ITGA6: variants seen among roughly 807,000 people sequenced by gnomAD.
ITGA6 encodes the protein integrin subunit alpha 6.
In ITGA6, 63 loss-of-function variants were observed where a neutral mutation model predicts 133.6. The observed-to-expected ratio is 0.47, with a 90% CI of 0.38 to 0.58. The LOEUF is 0.58. Among genes scored for constraint, ITGA6 ranks in the 20% least tolerant of loss-of-function variants. The pLI, the probability that ITGA6 is intolerant of heterozygous loss-of-function variation, is 0.00. For synonymous variants in ITGA6, 434 were observed against 482.0 expected (o/e 0.90, Z 1.30); for missense variants, 1,068 against 1,309.4 (o/e 0.82, Z 2.85).
intron 9 of ITGA6, 122 bp from the exon 10 acceptor site, chr2:172,479,519 G>T (rs1468562932): frequency 1.2e-6 from 1 of 812,120 alleles, no homozygotes; most frequent in Admixed American, 1.7e-5. Context: ...AACGTCACGT[G>T]TATTTTTTTT....
chr2:172,498,430 A>C (rs1453691374), intron 24 of ITGA6, among the ~76,000 whole-genome samples: 1 of 152,234 alleles, frequency 6.6e-6, no homozygotes, highest in East Asian at 1.9e-4. Context: ...TCTAAGCCAA[A>C]TTGTTAGGGT....
intron 1 of ITGA6, among the ~76,000 whole-genome samples, chr2:172,458,790 A>C (rs1040352155): frequency 6.6e-6 from 1 of 152,258 alleles, no homozygotes; most frequent in African/African-American, 2.4e-5. Context: ...ATAATCCAGG[A>C]ACACAAAGAA....
At chr2:172,462,001 C>A (rs1424518939) in intron 1 of ITGA6, among the ~76,000 whole-genome samples, 2 of 152,194 alleles carry the variant, frequency 1.3e-5, no homozygotes, top group Non-Finnish European at 1.5e-5. Context: ...TGATCTCCTG[C>A]CTTTAAGGCT....
Position 172,427,868 on chromosome 2 carries a change from A to T in ITGA6, c.80A>T (p.Asp27Val), listed in dbSNP as rs1391510297. 1 of 1,606,656 alleles carries T rather than the reference A, an allele frequency of 6.2e-7. No individual in the cohort carries two copies. Among genetic ancestry groups the T allele is most frequent in the South Asian group, 1.1e-5 (1 of 90,066 alleles). ...LSRLGAAFNL[D>V]TREDNVIRKY... is the part of the protein sequence containing the mutation. ...CGGCTCGGCGCAGCCTTCAACTTGG[A>T]CACTCGGGAGGACAACGTGATCCGG... The change falls in exon 1 of 26, where the codon GAC (aspartate) becomes GTC (valine). Residue 27 changes from aspartate to valine, a missense_variant. Physicochemically the swap from Asp to Val is radical, Grantham distance 152. Transcript: ENST00000684293.
chr2:172,477,043 A>G (rs1042622791), intron 9 of ITGA6, among the ~76,000 whole-genome samples: 1 of 152,208 alleles, frequency 6.6e-6, no homozygotes, highest in Non-Finnish European at 1.5e-5. Flanking sequence ...ATCTTCTGAC[A>G]GGTTCAGAGC....
intron 1 of ITGA6, among the ~76,000 whole-genome samples, chr2:172,441,542 T>C (rs1574322483): frequency 9.1e-6 from 1 of 109,314 alleles, no homozygotes; most frequent in African/African-American, 3.7e-5. Flanking sequence ...GGTAACAGAG[T>C]GGAGACGCTG....
At chr2:172,442,970 A>G (rs1185022518) in intron 1 of ITGA6, among the ~76,000 whole-genome samples, 1 of 151,744 alleles carries the variant, frequency 6.6e-6, no homozygotes, top group African/African-American at 2.4e-5. Flanking sequence ...TTAAAATTTC[A>G]TTTTTAATTT....
rs1407818457 is a variant in ITGA6, at chr2:172,505,858, A to G, written c.*1790A>G. On this transcript the variant is annotated 3_prime_UTR_variant, in exon 26 of 26. Coordinates refer to ENST00000684293, the MANE Select transcript of ITGA6 (RefSeq NM_000210.4). The stretch of plus-strand genomic sequence containing the variant: ...TGTAAAACAGGTTATAACAGTGTTT[A>G]AAGTCTCAGTTTCTTGCTTGGGGAA... The G allele has an allele frequency of 6.6e-6, 1 of 152,606 alleles. No homozygotes were observed. Among genetic ancestry groups the G allele is most frequent in the African/African-American group, 2.4e-5 (1 of 41,444 alleles). The allele number at this position is 152,606 out of a possible 1,614,324, so 9.5% of individuals were successfully genotyped here. A position where few individuals can be genotyped will look rare whatever the true frequency, so the allele number is the denominator to read the frequency against.
At chr2:172,461,029 C>G (rs80239277) in intron 1 of ITGA6, among the ~76,000 whole-genome samples, 3,285 of 152,284 alleles carry the variant, frequency 0.022, 111 homozygotes, top group African/African-American at 0.074. Context: ...TATACCAGCT[C>G]TCTTTGGGGG....
Position 172,506,331 on chromosome 2 carries a change from A to C in ITGA6, c.*2263A>C, listed in dbSNP as rs1396532162. The C allele has an allele frequency of 1.3e-5, 2 of 152,558 alleles. No individual in the cohort carries two copies. The highest frequency in any genetic ancestry group is 2.9e-5 in the Non-Finnish European group (2 of 68,024). 9.5% of individuals were successfully genotyped at this position (152,558 alleles called of 1,614,324 possible). ...TCTCATGTAATCTCAGATCAGCCAA[A>C]GATACTAGTGCCAAAGCAATGGGAT... On this transcript the variant is annotated 3_prime_UTR_variant, in exon 26 of 26. Transcript: ENST00000684293.
In ITGA6 at chr2:172,428,061, G is replaced by T. The variant is rs114295497; in HGVS notation, c.182+91G>T. ...GCGCCCTGTTCCCGCCGGCCCCGGG[G>T]AGTAGTTGGCCCGTGGGTCGCGCCC... On this transcript the variant is annotated intron_variant, in intron 1 of 25. Transcript: ENST00000684293. 8,039 of 1,393,336 alleles carry T rather than the reference G, an allele frequency of 5.8e-3. 366 individuals are homozygous for T. The African/African-American group carries it at 0.11, about 18-fold the overall frequency. The allele number at this position is 1,393,336 out of a possible 1,614,324, so 86.3% of individuals were successfully genotyped here.
At chr2:172,435,750 C>T (rs182939061) in intron 1 of ITGA6, among the ~76,000 whole-genome samples, 14 of 151,542 alleles carry the variant, frequency 9.2e-5, no homozygotes, top group Admixed American at 3.9e-4. Context: ...ACCTCTGCCT[C>T]CCCAGTAGCT....
chr2:172,469,108 C>G lies in ITGA6; in HGVS notation c.388-17C>G. 4.3e-6 allele frequency: 7 copies of G among 1,614,000 alleles called. No individual in the cohort carries two copies. Among genetic ancestry groups the G allele is most frequent in the Non-Finnish European group, 5.9e-6 (7 of 1,179,900 alleles). On this transcript the variant is annotated splice_polypyrimidine_tract_variant and intron_variant, in intron 3 of 25. Transcript: ENST00000684293. ...TTTATAGACAAGAATGGGCTACTTT[C>G]TTCCATCTGCTTGCAGACATGTGCT... is the stretch of plus-strand genomic sequence containing the variant.
At chr2:172,472,827 A>G in intron 5 of ITGA6, 2 of 1,612,676 alleles carry the variant, frequency 1.2e-6, no homozygotes, top group Non-Finnish European at 1.7e-6. Flanking sequence ...GTTTGTTTAT[A>G]AAACACGGCC....
At chr2:172,480,645 CAT>C (rs1170594151) in intron 11 of ITGA6, among the ~76,000 whole-genome samples, 2 of 152,214 alleles carry the variant, frequency 1.3e-5, no homozygotes, top group South Asian at 2.1e-4. Flanking sequence ...AGTCCCTTAA[CAT>C]ATGAGTTTGC....
chr2:172,462,792 C>A (rs1685486657), intron 1 of ITGA6, among the ~76,000 whole-genome samples: 1 of 152,212 alleles, frequency 6.6e-6, no homozygotes, highest in South Asian at 2.1e-4. Flanking sequence ...CAGGACACAG[C>A]AGGCTACAGA....
At chr2:172,478,154 C>T (rs1488952865) in intron 9 of ITGA6, among the ~76,000 whole-genome samples, 1 of 152,064 alleles carries the variant, frequency 6.6e-6, no homozygotes, top group African/African-American at 2.4e-5. Context: ...TAGTTAGTAT[C>T]TTAGAACCTA....
At chr2:172,503,853 TGTAAA>T (rs1323256952) in intron 25 of ITGA6, 1 of 309,886 alleles carries the variant, frequency 3.2e-6, no homozygotes, top group African/African-American at 2.1e-5. Flanking sequence ...TGTTATAAAA[TGTAAA>T]GAGAAGATGA....
At chr2:172,477,920 A>G (rs1686249054) in intron 9 of ITGA6, among the ~76,000 whole-genome samples, 1 of 152,232 alleles carries the variant, frequency 6.6e-6, no homozygotes, top group Non-Finnish European at 1.5e-5. Context: ...AATAAACACC[A>G]ATTTTAAACA....
Sources: gnomAD v4.1 joint callset for allele counts (sites outside exome capture counted in the v4.1 genomes callset) on GRCh38, gnomAD v4.1.1 for gene constraint, MANE v1.5 for transcripts, NCBI Gene and HGNC (gene_info 2026-07-23, HGNC 2026-07-21) for gene names.